The following LOXL2 variants were observed in gnomAD, a reference collection of about 807,000 sequenced individuals.
LOXL2 encodes lysyl oxidase like 2, also known as lysyl oxidase homolog 2.
A neutral mutation model predicts 93.0 loss-of-function variants in LOXL2; 70 were observed. The observed-to-expected ratio is 0.75, with a 90% CI of 0.62 to 0.92. The LOEUF (loss-of-function observed/expected upper bound fraction) is 0.92. LOXL2 is among the 40% of genes least tolerant of loss of function. The probability of loss-of-function intolerance (pLI) is 0.00; values close to 1 mark genes in which losing one functional copy is unlikely to be tolerated. For synonymous variants in LOXL2, 438 were observed against 413.2 expected (o/e 1.06, Z -0.73); for missense variants, 973 against 1,054.9 (o/e 0.92, Z 1.08).
chr8:23,385,410 C>T (rs1424017257), intron 1 of LOXL2, among the ~76,000 whole-genome samples: 3 of 92,560 alleles, frequency 3.2e-5, no homozygotes, highest in Admixed American at 1.4e-4. Context: ...CCACACCCAG[C>T]TAATTTTTTT....
Position 23,352,103 on chromosome 8 carries a change from C to T in LOXL2, c.531+7987G>A, listed in dbSNP as rs1051689919. Among the ~76,000 whole-genome samples, 13 of 152,292 alleles carry T rather than the reference C, an allele frequency of 8.5e-5. No individual in the cohort carries two copies. In the East Asian group the frequency reaches 1.9e-3, roughly 23 times the overall value. The stretch of plus-strand genomic sequence containing the variant: ...TACTGGGAATACAGGCGTGAGCCAC[C>T]GTGCCCAGCCCTGGACAGGATGTTA... On this transcript the variant is annotated intron_variant, in intron 3 of 13. Transcript: ENST00000389131.
At position 23,333,543 on chromosome 8, in the gene LOXL2, C is replaced by T. The variant is rs1348759970; in HGVS notation, c.824G>A (p.Cys275Tyr). Residue 275 changes from cysteine to tyrosine, a missense_variant, in exon 5 of 14, where the codon TGC (cysteine) becomes TAC (tyrosine). Cys to Tyr is a radical substitution (Grantham distance 194). Transcript: ENST00000389131. Reference sequence around the variant, plus strand: ...CAGTGACACCTGGGGGCCCAGCTTGCAGCTGGAGATGTGGGCCTCTGTGCC... The same window carrying T: ...CAGTGACACCTGGGGGCCCAGCTTGTAGCTGGAGATGTGGGCCTCTGTGCC... ...CTGTEAHISSCKLGPQVSLDP... is the reference protein window; with the variant it reads ...CTGTEAHISSYKLGPQVSLDP... The T allele has an allele frequency of 6.2e-7, 1 of 1,613,856 alleles. No homozygotes were observed. The highest frequency in any genetic ancestry group is 8.5e-7 in the Non-Finnish European group (1 of 1,180,052).
intron 1 of LOXL2, among the ~76,000 whole-genome samples, chr8:23,390,494 T>G (rs1341057984): frequency 6.6e-6 from 1 of 152,106 alleles, no homozygotes; most frequent in East Asian, 1.9e-4. Flanking sequence ...CATACAAAAC[T>G]GCATTTTTTC....
chr8:23,383,190 G>T (rs996678038), intron 1 of LOXL2, among the ~76,000 whole-genome samples: 1 of 152,078 alleles, frequency 6.6e-6, no homozygotes, highest in African/African-American at 2.4e-5. Flanking sequence ...ACTTACTGGC[G>T]CCAGGGCTTC....
At chr8:23,386,924 C>A (rs113126712) in intron 1 of LOXL2, among the ~76,000 whole-genome samples, 23 of 152,276 alleles carry the variant, frequency 1.5e-4, no homozygotes, top group Admixed American at 1.1e-3. Flanking sequence ...GCTGGGATTG[C>A]AGGCATAAGT....
chr8:23,365,993 T>G (rs6986654), intron 2 of LOXL2: 31,314 of 152,196 alleles, frequency 0.21, 3,638 homozygotes, highest in Admixed American at 0.28. Context: ...GATGGCAAAG[T>G]CCCACCTGGG....
rs190542496 is a variant in LOXL2 at position 23,400,466 on chromosome 8, T to C, written c.-84+3488A>G. 6.9e-3 allele frequency among the ~76,000 whole-genome samples: 1,055 copies of C among 152,282 alleles called. 3 individuals carry two copies. The highest frequency in any genetic ancestry group is 0.014 in the Middle Eastern group (4 of 294). On this transcript the variant is annotated intron_variant, in intron 1 of 13. Transcript: ENST00000389131. ...CATGATTCAATTACCTTTCATCGGG[T>C]CTTTCCTACAACACATGGGAATTAT...
At chr8:23,332,187 CA>C (rs1585353676) in intron 5 of LOXL2, among the ~76,000 whole-genome samples, 10 of 147,736 alleles carry the variant, frequency 6.8e-5, no homozygotes, top group South Asian at 2.2e-4. Context: ...CACACACACA[CA>C]CACACCCCAC....
At position 23,368,252 on chromosome 8, in the gene LOXL2, G is replaced by A. The variant is rs374466980; in HGVS notation, c.100C>T (p.Pro34Ser). The part of the protein sequence containing the change: ...LAQYDSWPHY[P>S]EYFQQPAPEY... ...GGAGCCGGTTGCTGGAAGTACTCGGGGTAATGGGGCCAGCTGTCATACTGT... is the reference window on the plus strand; with the variant it reads ...GGAGCCGGTTGCTGGAAGTACTCGGAGTAATGGGGCCAGCTGTCATACTGT... Residue 34 changes from proline (P) to serine (S), a missense_variant, in exon 2 of 14, where the codon CCC becomes TCC. Transcript: ENST00000389131. 1 of 1,613,954 alleles carries A rather than the reference G, an allele frequency of 6.2e-7. No individual in the cohort carries two copies. The highest frequency in any genetic ancestry group is 1.1e-5 in the South Asian group (1 of 91,084).
chr8:23,364,302 A>G (rs886257113), intron 2 of LOXL2: 2 of 152,244 alleles, frequency 1.3e-5, no homozygotes, highest in African/African-American at 2.4e-5. Context: ...ATGCCTCCTC[A>G]GAGCTGCCAG....
intron 1 of LOXL2, among the ~76,000 whole-genome samples, chr8:23,384,368 G>GA (rs1409122950): frequency 6.6e-6 from 1 of 152,216 alleles, no homozygotes; most frequent in Non-Finnish European, 1.5e-5. Context: ...GTGCTCCAGA[G>GA]GGGCTGTCAA....
At chr8:23,330,168 C>CA (rs1336963352) in intron 5 of LOXL2, among the ~76,000 whole-genome samples, 6 of 151,706 alleles carry the variant, frequency 4.0e-5, no homozygotes, top group African/African-American at 9.7e-5. Context: ...TACTAAAAAA[C>CA]AAAAAAATAC....
chr8:23,297,729 G>T lies in LOXL2; in HGVS notation c.*314C>A. The T allele has an allele frequency of 9.0e-6, 2 of 221,968 alleles. No homozygotes were observed. Among genetic ancestry groups the T allele is most frequent in the Admixed American group, 6.0e-5 (1 of 16,640 alleles). The allele number at this position is 221,968 out of a possible 1,614,324, so 13.7% of individuals were successfully genotyped here. A position where few individuals can be genotyped will look rare whatever the true frequency, so the allele number is the denominator to read the frequency against. On this transcript the variant is annotated 3_prime_UTR_variant, in exon 14 of 14. Transcript: ENST00000389131. ...CTGTGGTGAGCTCGGTGGCTTGAAT[G>T]GGACAAGCTGATGACAACCTGTCTG...
At chr8:23,355,771 C>A (rs528547113) in intron 3 of LOXL2, among the ~76,000 whole-genome samples, 1 of 151,506 alleles carries the variant, frequency 6.6e-6, no homozygotes, top group South Asian at 2.1e-4. Flanking sequence ...CACCATGCCA[C>A]GTTAATTTTT....
At chr8:23,299,034 A>C (rs1803084443) in intron 12 of LOXL2, 87 bp from the exon 13 acceptor site, 1 of 780,372 alleles carries the variant, frequency 1.3e-6, no homozygotes, top group Non-Finnish European at 2.3e-6. Flanking sequence ...CCAGCACCTC[A>C]GGGAAGGGGA....
At chr8:23,352,175 T>C (rs1166390681) in intron 3 of LOXL2, among the ~76,000 whole-genome samples, 1 of 152,182 alleles carries the variant, frequency 6.6e-6, no homozygotes, top group African/African-American at 2.4e-5. Context: ...CCAGGAGAGC[T>C]ACATCTAATT....
chr8:23,353,570 T>C (rs1804132252), intron 3 of LOXL2, among the ~76,000 whole-genome samples: 1 of 152,228 alleles, frequency 6.6e-6, no homozygotes, highest in Non-Finnish European at 1.5e-5. Flanking sequence ...AAACTGAGAA[T>C]ATACAATAAG....
At chr8:23,350,202 T>C (rs945824925) in intron 3 of LOXL2, among the ~76,000 whole-genome samples, 3 of 152,180 alleles carry the variant, frequency 2.0e-5, no homozygotes, top group South Asian at 2.1e-4. Context: ...CTGCACACAG[T>C]ATGAGGCATG....
chr8:23,304,314 G>A (rs182509348), intron 10 of LOXL2, among the ~76,000 whole-genome samples: 1 of 152,238 alleles, frequency 6.6e-6, no homozygotes, highest in Non-Finnish European at 1.5e-5. Context: ...AATAGCCCTT[G>A]TTTCAGAATA....
Sources: allele counts gnomAD v4.1 joint callset (sites outside exome capture counted in the v4.1 genomes callset), GRCh38; gene constraint gnomAD v4.1.1; transcripts MANE v1.5; gene names NCBI Gene and HGNC (gene_info 2026-07-23, HGNC 2026-07-21).